Variants in CSMD1 observed in about 807,000 individuals in gnomAD.
The protein encoded by CSMD1 is CUB and Sushi multiple domains 1.
In CSMD1, 213 loss-of-function variants were observed where a neutral mutation model predicts 417.5. The observed-to-expected ratio is 0.51, with a 90% CI of 0.46 to 0.57. The LOEUF (loss-of-function observed/expected upper bound fraction) is 0.57, where lower values mean the gene tolerates loss of function less well. Among genes scored for constraint, CSMD1 ranks in the 20% least tolerant of loss-of-function variants. The pLI, the probability that CSMD1 is intolerant of heterozygous loss-of-function variation, is 0.00. For synonymous variants in CSMD1, 2,862 were observed against 1,736.8 expected, an observed-to-expected ratio of 1.65 and a Z score of -16.11; for missense variants, 6,923 against 4,529.7, an observed-to-expected ratio of 1.53 and a Z score of -15.17.
At chr8:3,679,333 G>C (rs1799534875) in intron 7 of CSMD1, among the ~76,000 whole-genome samples, 1 of 152,124 alleles carries the variant, frequency 6.6e-6, no homozygotes, top group Non-Finnish European at 1.5e-5. Context: ...TAAAGGGATG[G>C]AGGAAGATCT....
chr8:2,959,959 T>A (rs758945673), intron 62 of CSMD1, among the ~76,000 whole-genome samples: 1 of 152,196 alleles, frequency 6.6e-6, no homozygotes, highest in African/African-American at 2.4e-5. Flanking sequence ...TAATTTGTTA[T>A]AAGGAGGGTG....
chr8:3,402,557 C>G (rs1178211527), intron 15 of CSMD1, among the ~76,000 whole-genome samples: 1 of 152,122 alleles, frequency 6.6e-6, no homozygotes, highest in African/African-American at 2.4e-5. Flanking sequence ...GCCTGGCATC[C>G]AGAAAATTCT....
At chr8:3,746,252 C>T (rs1352474865) in intron 6 of CSMD1, among the ~76,000 whole-genome samples, 2 of 152,176 alleles carry the variant, frequency 1.3e-5, no homozygotes, top group Non-Finnish European at 2.9e-5. Flanking sequence ...AAACTATAAA[C>T]TGCGGGAAAA....
chr8:3,176,276 T>C (rs1462689642), intron 37 of CSMD1, among the ~76,000 whole-genome samples: 1 of 152,188 alleles, frequency 6.6e-6, no homozygotes, highest in African/African-American at 2.4e-5. Flanking sequence ...ACCATTCTGC[T>C]AATAATTAAT....
At chr8:4,146,699 C>A (rs1308576075) in intron 3 of CSMD1, among the ~76,000 whole-genome samples, 2 of 142,086 alleles carry the variant, frequency 1.4e-5, no homozygotes, top group African/African-American at 2.8e-5. Context: ...GCAAGCTCCA[C>A]CTCCCGAGTT....
At chr8:4,380,582 G>A (rs926635315) in intron 3 of CSMD1, among the ~76,000 whole-genome samples, 1 of 152,196 alleles carries the variant, frequency 6.6e-6, no homozygotes, top group Non-Finnish European at 1.5e-5. Flanking sequence ...TGGATGGAAT[G>A]AGAACATTAG....
intron 26 of CSMD1, among the ~76,000 whole-genome samples, chr8:3,251,256 G>A (rs1271054705): frequency 6.6e-6 from 1 of 152,146 alleles, no homozygotes; most frequent in Non-Finnish European, 1.5e-5. Flanking sequence ...TGTAAGGAAG[G>A]AATCCAGTTT....
chr8:3,267,759 C>T (rs1303610406), intron 26 of CSMD1, among the ~76,000 whole-genome samples: 1 of 152,168 alleles, frequency 6.6e-6, no homozygotes, highest in Non-Finnish European at 1.5e-5. Flanking sequence ...ATGCCTCCCA[C>T]AGCAGCTGAT....
chr8:4,940,227 T>C (rs1807903146), intron 1 of CSMD1, among the ~76,000 whole-genome samples: 1 of 152,134 alleles, frequency 6.6e-6, no homozygotes, highest in Non-Finnish European at 1.5e-5. Flanking sequence ...CAAAGCGTAT[T>C]TGAGAAGGAC....
At chr8:3,682,750 T>C (rs151245159) in intron 7 of CSMD1, among the ~76,000 whole-genome samples, 1 of 152,216 alleles carries the variant, frequency 6.6e-6, no homozygotes, top group African/African-American at 2.4e-5. Context: ...CACGTATGTT[T>C]ATTGCGGCAC....
intron 7 of CSMD1, among the ~76,000 whole-genome samples, chr8:3,664,308 T>C (rs545158024): frequency 1.3e-5 from 2 of 152,266 alleles, no homozygotes; most frequent in African/African-American, 4.8e-5. Flanking sequence ...CTTGCAACTG[T>C]TTGCTCAGAA....
intron 5 of CSMD1, among the ~76,000 whole-genome samples, chr8:3,793,265 T>C (rs746685291): frequency 1.3e-5 from 2 of 152,226 alleles, no homozygotes; most frequent in Admixed American, 6.5e-5. Flanking sequence ...CTCAAGCGAC[T>C]GCAGCAGTCT....
At chr8:3,886,329 G>A (rs939377477) in intron 5 of CSMD1, among the ~76,000 whole-genome samples, 20 of 152,194 alleles carry the variant, frequency 1.3e-4, no homozygotes, top group South Asian at 4.1e-4. Context: ...GATTACAGGC[G>A]TGGGCCACTG....
At chr8:3,958,295 A>G (rs1326007219) in intron 5 of CSMD1, among the ~76,000 whole-genome samples, 2 of 147,692 alleles carry the variant, frequency 1.4e-5, no homozygotes, top group East Asian at 2.1e-4. Context: ...ATGTGGAAAA[A>G]AAGTTTCATT....
At chr8:3,835,099 A>G (rs564040742) in intron 5 of CSMD1, among the ~76,000 whole-genome samples, 6 of 149,176 alleles carry the variant, frequency 4.0e-5, no homozygotes, top group East Asian at 1.9e-4. Flanking sequence ...GAGAAATAGG[A>G]ACACTTTTAC....
intron 6 of CSMD1, among the ~76,000 whole-genome samples, chr8:3,744,204 G>C (rs192056054): frequency 1.3e-5 from 2 of 152,144 alleles, no homozygotes; most frequent in East Asian, 1.9e-4. Flanking sequence ...TTGAGGACAG[G>C]GATGACGTGT....
intron 1 of CSMD1, among the ~76,000 whole-genome samples, chr8:4,789,784 T>G (rs1797595996): frequency 6.6e-6 from 1 of 152,220 alleles, no homozygotes; most frequent in African/African-American, 2.4e-5. Flanking sequence ...CACTGTGTAA[T>G]TTAGGGAAGA....
At chr8:3,513,566 G>A (rs1230731860) in intron 10 of CSMD1, among the ~76,000 whole-genome samples, 1 of 152,072 alleles carries the variant, frequency 6.6e-6, no homozygotes, top group African/African-American at 2.4e-5. Flanking sequence ...TGTCCTTTGG[G>A]AGAATCCTGA....
chr8:3,932,053 G>A (rs1354346100), intron 5 of CSMD1, among the ~76,000 whole-genome samples: 1 of 150,410 alleles, frequency 6.6e-6, no homozygotes, highest in Non-Finnish European at 1.5e-5. Flanking sequence ...TCATCAGAGA[G>A]TAGGATTCAA....
Sources: allele counts gnomAD v4.1 joint callset (sites outside exome capture counted in the v4.1 genomes callset), GRCh38; gene constraint gnomAD v4.1.1; transcripts MANE v1.5; gene names NCBI Gene and HGNC (gene_info 2026-07-23, HGNC 2026-07-21).